Variants in CORIN observed in about 807,000 individuals in gnomAD.
The protein encoded by CORIN is atrial natriuretic peptide-converting enzyme.
A neutral mutation model predicts 125.3 loss-of-function variants in CORIN; 117 were observed. That is an observed-to-expected ratio of 0.93 (90% confidence interval 0.80 to 1.09). The LOEUF is 1.09. Among genes scored for constraint, CORIN ranks in the 50% least tolerant of loss-of-function variants. The pLI, the probability that CORIN is intolerant of heterozygous loss-of-function variation, is 0.00. For missense variants in CORIN, 1,253 were observed against 1,306.7 expected (o/e 0.96, Z 0.63); for synonymous variants, 450 against 466.4 (o/e 0.96, Z 0.45).
intron 17 of CORIN, among the ~76,000 whole-genome samples, chr4:47,624,866 GATCT>G (rs1270597722): frequency 3.5e-5 from 5 of 142,490 alleles, no homozygotes; most frequent in Non-Finnish European, 6.2e-5. Context: ...TAGAATCCTA[GATCT>G]ATCAGATTGA....
At chr4:47,800,008 A>G (rs911332113) in intron 2 of CORIN, among the ~76,000 whole-genome samples, 22 of 152,304 alleles carry the variant, frequency 1.4e-4, no homozygotes, top group Admixed American at 1.2e-3. Flanking sequence ...AATACCACAT[A>G]TGGTCATACA....
In CORIN at chr4:47,603,492, C is replaced by T; in HGVS notation, c.2717G>A (p.Gly906Asp). 1 of 1,614,164 alleles carries T rather than the reference C, an allele frequency of 6.2e-7. No individual in the cohort carries two copies. The highest frequency in any genetic ancestry group is 8.5e-7 in the Non-Finnish European group (1 of 1,180,026). ...VELSEDISET[G>D]YVRPVCLPNP... ...GGGCAAGCAGACAGGCCGGACGTAG[C>T]CAGTCTCACTGATGTCTTCACTCAG... Residue 906 changes from glycine to aspartate, a missense_variant, in exon 20 of 22, where the codon GGC (glycine) becomes GAC (aspartate). Transcript: ENST00000273857.
At chr4:47,649,250 C>T (rs1270084861) in intron 13 of CORIN, among the ~76,000 whole-genome samples, 5 of 152,166 alleles carry the variant, frequency 3.3e-5, no homozygotes, top group Admixed American at 2.6e-4. Flanking sequence ...TGGCTCTAAT[C>T]CTAAAAAGAG....
chr4:47,642,081 T>G (rs1177770560), intron 15 of CORIN, 32 bp from the exon 16 acceptor site: 1 of 1,602,434 alleles, frequency 6.2e-7, no homozygotes. Context: ...GAAACCCTAA[T>G]TAAAAACATT....
At chr4:47,824,063 G>C (rs1732634753) in intron 1 of CORIN, among the ~76,000 whole-genome samples, 1 of 151,426 alleles carries the variant, frequency 6.6e-6, no homozygotes, top group African/African-American at 2.4e-5. Context: ...CAAGGAGCAA[G>C]GAATAGGAAA....
At chr4:47,724,996 T>C (rs990463267) in intron 5 of CORIN, among the ~76,000 whole-genome samples, 1 of 152,130 alleles carries the variant, frequency 6.6e-6, no homozygotes, top group Non-Finnish European at 1.5e-5. Context: ...ATGTTTACCA[T>C]AACTAGCAAT....
chr4:47,785,909 C>CAAAAAAAAAAAAAAAAAAAAAAAAAAAA (rs11313881), intron 3 of CORIN, among the ~76,000 whole-genome samples: 1 of 80,502 alleles, frequency 1.2e-5, no homozygotes, highest in Non-Finnish European at 2.4e-5. Context: ...GACTCCATCT[C>CAAAAAAAAAAAAAAAAAAAAAAAAAAAA]AAAAAAAAAA....
chr4:47,731,652 C>G (rs1257712655), intron 5 of CORIN, among the ~76,000 whole-genome samples: 2 of 152,064 alleles, frequency 1.3e-5, no homozygotes, highest in Non-Finnish European at 2.9e-5. Flanking sequence ...AGGTGGATCA[C>G]AAGGTCAGGA....
intron 3 of CORIN, among the ~76,000 whole-genome samples, chr4:47,782,589 C>T (rs574482703): frequency 6.6e-6 from 1 of 152,024 alleles, no homozygotes; most frequent in Non-Finnish European, 1.5e-5. Context: ...AAAACTTGCA[C>T]GTGAATATTC....
At chr4:47,621,659 G>T (rs779773405) in intron 19 of CORIN, among the ~76,000 whole-genome samples, 1 of 151,982 alleles carries the variant, frequency 6.6e-6, no homozygotes, top group Non-Finnish European at 1.5e-5. Flanking sequence ...CTCTCTTTAG[G>T]CATATTGTGG....
At chr4:47,615,801 T>C (rs1722049260) in intron 19 of CORIN, among the ~76,000 whole-genome samples, 1 of 151,998 alleles carries the variant, frequency 6.6e-6, no homozygotes, top group African/African-American at 2.4e-5. Context: ...TGTGATACTT[T>C]GTTATGGCAG....
intron 3 of CORIN, among the ~76,000 whole-genome samples, chr4:47,775,200 T>C (rs1244777033): frequency 6.6e-6 from 1 of 151,894 alleles, no homozygotes; most frequent in Non-Finnish European, 1.5e-5. Flanking sequence ...TTTTTAATAA[T>C]TGTCTCATTT....
intron 13 of CORIN, among the ~76,000 whole-genome samples, chr4:47,651,648 C>G (rs943359995): frequency 1.3e-5 from 2 of 152,198 alleles, no homozygotes; most frequent in Non-Finnish European, 2.9e-5. Context: ...TTCTTACCCA[C>G]TTTTAACTTT....
chr4:47,807,156 A>G (rs570239313), intron 1 of CORIN, 109 bp from the exon 2 acceptor site: 1 of 827,354 alleles, frequency 1.2e-6, no homozygotes, highest in Non-Finnish European at 1.9e-6. Context: ...AAGATTTTAC[A>G]GTTTGTGGTT....
At chr4:47,831,014 C>T (rs944161931) in intron 1 of CORIN, among the ~76,000 whole-genome samples, 14 of 152,198 alleles carry the variant, frequency 9.2e-5, no homozygotes, top group African/African-American at 3.4e-4. Flanking sequence ...ATGGTCTTCG[C>T]AACTCGCCTC....
intron 2 of CORIN, among the ~76,000 whole-genome samples, chr4:47,795,300 A>C (rs1731246448): frequency 6.6e-6 from 1 of 152,068 alleles, no homozygotes; most frequent in South Asian, 2.1e-4. Flanking sequence ...AATGAATTTT[A>C]GGATTGTTTT....
At chr4:47,653,515 A>G in intron 13 of CORIN, 38 bp downstream of exon 13, 1 of 1,477,868 alleles carries the variant, frequency 6.8e-7, no homozygotes. Context: ...TCTAGTTATC[A>G]CTGTACATTC....
chr4:47,773,437 A>T (rs915237476), intron 3 of CORIN, among the ~76,000 whole-genome samples: 2 of 152,208 alleles, frequency 1.3e-5, no homozygotes, highest in African/African-American at 4.8e-5. Context: ...GAATTCTAGG[A>T]CTAACAGGGC....
intron 5 of CORIN, among the ~76,000 whole-genome samples, chr4:47,723,294 A>G (rs567513220): frequency 1.3e-5 from 2 of 152,336 alleles, no homozygotes; most frequent in African/African-American, 4.8e-5. Context: ...ATCACAGAGA[A>G]GAGGGAGCTT....
Sources: gnomAD v4.1 joint callset for allele counts (sites outside exome capture counted in the v4.1 genomes callset) on GRCh38, gnomAD v4.1.1 for gene constraint, MANE v1.5 for transcripts, NCBI Gene and HGNC (gene_info 2026-07-23, HGNC 2026-07-21) for gene names.